The following SAMD9L variants were observed in gnomAD, a reference collection of about 807,000 sequenced individuals.
SAMD9L encodes the protein sterile alpha motif domain-containing protein 9-like.
SAMD9L carries 68 observed loss-of-function variants against 90.7 expected under a neutral mutation model. That is an observed-to-expected ratio of 0.75 (90% CI 0.62 to 0.92). SAMD9L has a LOEUF of 0.92. Ranked by LOEUF, SAMD9L falls within the 40% of genes least tolerant of loss-of-function variation. The pLI is 0.00. For synonymous variants in SAMD9L, 640 were observed against 630.1 expected, an observed-to-expected ratio of 1.02 and a Z score of -0.23; for missense variants, 1,604 against 1,824.3, an observed-to-expected ratio of 0.88 and a Z score of 2.20.
In SAMD9L at chr7:93,132,565, T is replaced by C; in HGVS notation, c.3407A>G (p.Asp1136Gly). The change falls in exon 5 of 5, where the codon GAT (aspartate) becomes GGT (glycine). Residue 1136 changes from aspartate to glycine, a missense_variant. Asp to Gly is a moderately conservative substitution (Grantham distance 94). Transcript: ENST00000318238. ...AATGCTCCTACAGTTTTTGTTCCCA[T>C]CCAACCACCATTTGATTTCACTTTT... ...VYKSEIKWWLDGNKNCRSITV... is the reference protein window; with the variant it reads ...VYKSEIKWWLGGNKNCRSITV... The C allele has an allele frequency of 6.2e-7, 1 of 1,613,880 alleles. No homozygotes were observed. Among genetic ancestry groups the C allele is most frequent in the Non-Finnish European group, 8.5e-7 (1 of 1,179,822 alleles).
intron 4 of SAMD9L, among the ~76,000 whole-genome samples, chr7:93,136,734 A>G (rs1195447462): frequency 6.6e-6 from 1 of 152,256 alleles, no homozygotes; most frequent in Non-Finnish European, 1.5e-5. Context: ...GAATGGCAAG[A>G]GCTGCCTATT....
At chr7:93,146,477 A>G (rs1792895816) in intron 2 of SAMD9L, among the ~76,000 whole-genome samples, 1 of 152,182 alleles carries the variant, frequency 6.6e-6, no homozygotes, top group African/African-American at 2.4e-5. Context: ...TGTCCAACCC[A>G]TTATTCTATG....
rs766590964 is a variant in SAMD9L, at chr7:93,132,027, T to C, written c.3945A>G (p.Leu1315=). ...ELFCHLDPCL[L]QSKESQLLQE... is the part of the protein sequence containing the mutation. ...GGAGTAATTGACTCTCTTTACTTTG[T>C]AATAGACATGGATCCAAATGACAGA... Residue 1315 remains leucine, a synonymous_variant, in exon 5 of 5, where the codon TTA becomes TTG. Transcript: ENST00000318238. The C allele has an allele frequency of 6.2e-7, 1 of 1,613,562 alleles. No individual in the cohort carries two copies. The highest frequency in any genetic ancestry group is 8.5e-7 in the Non-Finnish European group (1 of 1,179,746).
Position 93,131,698 on chromosome 7 carries a change from C to T in SAMD9L, c.4274G>A (p.Gly1425Asp), listed in dbSNP as rs772819846. The change falls in exon 5 of 5, where the codon GGT becomes GAT. Residue 1425 changes from glycine (G) to aspartate (D), a missense_variant. By Grantham distance (94) the Gly-to-Asp change is moderately conservative. Coordinates refer to ENST00000318238, the MANE Select transcript of SAMD9L (RefSeq NM_152703.5). ...QFVGLSHQYP[G>D]PYFLACLLFW... ...CAGGAGGCAGGCCAAGAAATAAGGA[C>T]CTGGATATTGATGACTTAGTCCTAC... is the stretch of plus-strand genomic sequence containing the variant. 7.4e-6 allele frequency: 12 copies of T among 1,613,792 alleles called. No individual in the cohort carries two copies. The highest frequency in any genetic ancestry group is 6.7e-5 in the East Asian group (3 of 44,882).
At chr7:93,145,181 A>C (rs1165757075) in intron 3 of SAMD9L, among the ~76,000 whole-genome samples, 1 of 152,254 alleles carries the variant, frequency 6.6e-6, no homozygotes, top group Non-Finnish European at 1.5e-5. Context: ...AAAATTCTGC[A>C]ATCAGCACAA....
chr7:93,145,450 T>G lies in SAMD9L; in HGVS notation c.-188A>C, dbSNP rs1329352291. 6.6e-6 allele frequency: 1 copy of G among 152,242 alleles called. No individual in the cohort carries two copies. The highest frequency in any genetic ancestry group is 1.5e-5 in the Non-Finnish European group (1 of 68,048). 9.4% of individuals were successfully genotyped at this position (152,242 alleles called of 1,614,324 possible). ...TAAAATAAGTCTTCATGAGGCTGTT[T>G]GATCTGGATCCCTTAGATTAGTTCC... On this transcript the variant is annotated 5_prime_UTR_variant, in exon 3 of 5. Transcript: ENST00000318238.
chr7:93,132,391 G>C lies in SAMD9L; in HGVS notation c.3581C>G (p.Thr1194Arg). 6.2e-7 allele frequency: 1 copy of C among 1,613,898 alleles called. No homozygotes were observed. The highest frequency in any genetic ancestry group is 8.5e-7 in the Non-Finnish European group (1 of 1,179,834). ...KSQRRYDMYN[T>R]ACFLGEIEVG... is the part of the protein sequence containing the mutation. ...TTCTATTTCACCCAAGAAACAAGCT[G>C]TGTTATACATGTCATATCGTCTCTG... Residue 1194 changes from threonine to arginine, a missense_variant, in exon 5 of 5, where the codon ACA becomes AGA. Physicochemically the swap from Thr to Arg is moderately conservative, Grantham distance 71. Coordinates refer to ENST00000318238, the MANE Select transcript of SAMD9L (RefSeq NM_152703.5).
chr7:93,135,237 G>A lies in SAMD9L; in HGVS notation c.735C>T (p.Pro245=). ...GTIHFGVKDK[P]HGEIVGVKIT... ...TTTTCACACCAACAATTTCTCCATG[G>A]GGTTTGTCCTTGACTCCAAAATGGA... The change falls in exon 5 of 5, where the codon CCC becomes CCT. Residue 245 remains proline (P), a synonymous_variant. Coordinates refer to ENST00000318238, the MANE Select transcript of SAMD9L (RefSeq NM_152703.5). 6.2e-7 allele frequency: 1 copy of A among 1,614,028 alleles called. No homozygotes were observed. Among genetic ancestry groups the A allele is most frequent in the Non-Finnish European group, 8.5e-7 (1 of 1,179,962 alleles).
chr7:93,139,266 G>A (rs1006522765), intron 4 of SAMD9L, among the ~76,000 whole-genome samples: 1 of 151,996 alleles, frequency 6.6e-6, no homozygotes, highest in Non-Finnish European at 1.5e-5. Flanking sequence ...CTATTCCCAC[G>A]GTCATATCCT....
chr7:93,140,208 G>A (rs553084309), intron 4 of SAMD9L, among the ~76,000 whole-genome samples: 1 of 150,202 alleles, frequency 6.7e-6, no homozygotes, highest in East Asian at 2.0e-4. Flanking sequence ...GTTGGACAAT[G>A]GGCCTCCACA....
At chr7:93,136,081 A>G (rs1792442308) in intron 4 of SAMD9L, 90 bp from the exon 5 acceptor site, 10 of 805,722 alleles carry the variant, frequency 1.2e-5, no homozygotes, top group Non-Finnish European at 1.8e-5. Context: ...CATACAGAAG[A>G]TACATATATA....
chr7:93,134,152 T>A lies in SAMD9L; in HGVS notation c.1820A>T (p.His607Leu). ...RMKMEDELTNHSISTLNIELV... is the reference protein window; with the variant it reads ...RMKMEDELTNLSISTLNIELV... ...TTCTATATTTAAAGTGGAAATACTG[T>A]GGTTTGTTAGTTCATCTTCCATCTT... The change falls in exon 5 of 5, where the codon CAC becomes CTC. Residue 607 changes from histidine (H) to leucine (L), a missense_variant. Transcript: ENST00000318238. The A allele has an allele frequency of 6.2e-7, 1 of 1,613,862 alleles. No homozygotes were observed. Among genetic ancestry groups the A allele is most frequent in the Non-Finnish European group, 8.5e-7 (1 of 1,179,824 alleles).
intron 4 of SAMD9L, among the ~76,000 whole-genome samples, chr7:93,137,838 A>G (rs1487928799): frequency 2.0e-5 from 3 of 150,574 alleles, no homozygotes; most frequent in Non-Finnish European, 4.4e-5. Flanking sequence ...GGAAAAGTTC[A>G]CCAGAAAGTC....
intron 4 of SAMD9L, among the ~76,000 whole-genome samples, chr7:93,136,763 G>C (rs1188318938): frequency 3.3e-5 from 5 of 152,180 alleles, no homozygotes; most frequent in Admixed American, 1.3e-4. Context: ...CTAGAACAGG[G>C]GTTCTTAACC....
In SAMD9L at chr7:93,133,178, C is replaced by T. The variant is rs1403903644; in HGVS notation, c.2794G>A (p.Val932Ile). Residue 932 changes from valine (V) to isoleucine (I), a missense_variant, in exon 5 of 5, where the codon GTT (valine) becomes ATT (isoleucine). By Grantham distance (29) the Val-to-Ile change is conservative. Around this residue, in one of 7 missense-constraint regions of SAMD9L, gnomAD observed 606 missense variants for 717.6 expected, o/e 0.84. Transcript: ENST00000318238. ...ISFLALLSSY[V>I]TDSTISVSQC... is the part of the protein sequence containing the mutation. The stretch of plus-strand genomic sequence containing the variant: ...GAAACTGAAATTGTAGAGTCAGTAA[C>T]ATAAGAGCTGAGTAAAGCCAGGAAG... 1.2e-6 allele frequency: 2 copies of T among 1,613,404 alleles called. No homozygotes were observed. The highest frequency in any genetic ancestry group is 1.7e-6 in the Non-Finnish European group (2 of 1,179,770).
intron 4 of SAMD9L, among the ~76,000 whole-genome samples, chr7:93,138,596 T>A (rs1016109327): frequency 6.6e-6 from 1 of 152,082 alleles, no homozygotes; most frequent in African/African-American, 2.4e-5. Flanking sequence ...TGGGAGGCAA[T>A]TGAGGGAGAA....
In SAMD9L at chr7:93,131,351, C is replaced by G. The variant is rs2116468021; in HGVS notation, c.4621G>C (p.Glu1541Gln). ...ATTACTGGTATTTTTATTTTTTCCT[C>G]TGTTCCATATTCTACAGAGATTAGC... is the stretch of plus-strand genomic sequence containing the variant. ...GKLISVEYGT[E>Q]EKIKIPVISV... Residue 1541 changes from glutamate to glutamine, a missense_variant, in exon 5 of 5, where the codon GAG becomes CAG. Around this residue, in one of 7 missense-constraint regions of SAMD9L, gnomAD observed 282 missense variants for 329.6 expected, o/e 0.86. Transcript: ENST00000318238. 5.0e-6 allele frequency: 8 copies of G among 1,613,570 alleles called. No homozygotes were observed. The Admixed American group carries it at 1.2e-4, about 24-fold the overall frequency.
chr7:93,147,900 A>G (rs1047906207), intron 1 of SAMD9L, among the ~76,000 whole-genome samples: 2 of 152,180 alleles, frequency 1.3e-5, no homozygotes, highest in African/African-American at 2.4e-5. Context: ...CCCTGTTTGC[A>G]TCGTTTCTCT....
chr7:93,135,358 G>A lies in SAMD9L; in HGVS notation c.614C>T (p.Thr205Ile), dbSNP rs1332809710. Residue 205 changes from threonine (T) to isoleucine (I), a missense_variant, in exon 5 of 5, where the codon ACA (threonine) becomes ATA (isoleucine). By Grantham distance (89) the Thr-to-Ile change is moderately conservative. Coordinates refer to ENST00000318238, the MANE Select transcript of SAMD9L (RefSeq NM_152703.5). ...PIHEFKALTN[T>I]ETATEVDIKM... Reference sequence around the variant, plus strand: ...AATGTCCACTTCCGTGGCTGTTTCTGTGTTTGTGAGAGCTTTGAACTCATG... The same window carrying A: ...AATGTCCACTTCCGTGGCTGTTTCTATGTTTGTGAGAGCTTTGAACTCATG... 1.9e-6 allele frequency: 3 copies of A among 1,614,124 alleles called. No individual in the cohort carries two copies. Among genetic ancestry groups the A allele is most frequent in the African/African-American group, 2.7e-5 (2 of 75,044 alleles).
Sources: allele counts gnomAD v4.1 joint callset (sites outside exome capture counted in the v4.1 genomes callset), GRCh38; gene constraint gnomAD v4.1.1; regional missense constraint gnomAD v4.1.1; transcripts MANE v1.5; gene names NCBI Gene and HGNC (gene_info 2026-07-23, HGNC 2026-07-21).